ASCC1: variants seen among roughly 807,000 people sequenced by gnomAD.
The protein encoded by ASCC1 is activating signal cointegrator 1 complex subunit 1.
A neutral mutation model predicts 46.6 loss-of-function variants in ASCC1; 35 were observed. The ratio of observed to expected loss-of-function variants is 0.75; its 90% confidence interval spans 0.57 to 0.99. ASCC1 has a LOEUF of 0.99. Among genes scored for constraint, ASCC1 ranks in the 50% least tolerant of loss-of-function variants. The probability of loss-of-function intolerance (pLI) is 0.00; values close to 1 mark genes in which losing one functional copy is unlikely to be tolerated. For synonymous variants in ASCC1, 143 were observed against 146.6 expected, an observed-to-expected ratio of 0.98 and a Z score of 0.18; for missense variants, 376 against 428.7, an observed-to-expected ratio of 0.88 and a Z score of 1.09.
chr10:72,176,784 C>T (rs551594640), intron 5 of ASCC1, among the ~76,000 whole-genome samples: 1 of 145,248 alleles, frequency 6.9e-6, no homozygotes, highest in Non-Finnish European at 1.5e-5. Flanking sequence ...AAGTACCAGC[C>T]TTAACAAATT....
intron 5 of ASCC1, among the ~76,000 whole-genome samples, chr10:72,169,828 A>G (rs959494564): frequency 6.6e-6 from 1 of 152,200 alleles, no homozygotes; most frequent in Non-Finnish European, 1.5e-5. Flanking sequence ...GAAAGAATCA[A>G]CAAACACAAG....
At chr10:72,124,568 A>C (rs560447773) in intron 9 of ASCC1, among the ~76,000 whole-genome samples, 78 of 152,266 alleles carry the variant, frequency 5.1e-4, no homozygotes, top group Non-Finnish European at 9.1e-4. Flanking sequence ...GACCCCAAAC[A>C]GACTGTCATT....
intron 9 of ASCC1, among the ~76,000 whole-genome samples, chr10:72,126,536 C>G (rs893688497): frequency 1.2e-4 from 18 of 152,204 alleles, no homozygotes; most frequent in Non-Finnish European, 2.1e-4. Flanking sequence ...TCTCTGCCAT[C>G]ACCCCACTCT....
intron 9 of ASCC1, among the ~76,000 whole-genome samples, chr10:72,119,680 C>G (rs762540749): frequency 6.6e-6 from 1 of 151,834 alleles, no homozygotes; most frequent in African/African-American, 2.4e-5. Flanking sequence ...TACATCACGT[C>G]CAGATTCAAC....
intron 5 of ASCC1, among the ~76,000 whole-genome samples, chr10:72,187,449 G>A (rs1323091809): frequency 5.4e-5 from 8 of 147,594 alleles, no homozygotes; most frequent in South Asian, 2.1e-4. Flanking sequence ...GGCCGGGCGC[G>A]GTGGCTCACG....
At chr10:72,199,601 A>G (rs1856195662) in intron 4 of ASCC1, among the ~76,000 whole-genome samples, 1 of 151,010 alleles carries the variant, frequency 6.6e-6, no homozygotes, top group Admixed American at 6.6e-5. Context: ...TGGCCGGCTA[A>G]TTTTTTGTAT....
chr10:72,175,861 G>A (rs375237845), intron 5 of ASCC1, among the ~76,000 whole-genome samples: 1 of 152,198 alleles, frequency 6.6e-6, no homozygotes, highest in Non-Finnish European at 1.5e-5. Flanking sequence ...CCCAAAGACA[G>A]ACCCTGGTTC....
rs1471179102 is a variant in ASCC1, at chr10:72,172,909, T to C, written c.490-11235A>G. On this transcript the variant is annotated intron_variant, in intron 5 of 9. Transcript: ENST00000672957. Reference sequence around the variant, plus strand: ...TTTATATTATATATATTATATATTATATTTTTATATTATATATTATATATT... The same window carrying C: ...TTTATATTATATATATTATATATTACATTTTTATATTATATATTATATATT... 2.3e-5 allele frequency among the ~76,000 whole-genome samples: 3 copies of C among 132,094 alleles called. No homozygotes were observed. The East Asian group carries it at 6.6e-4, about 29-fold the overall frequency. 86.7% of individuals were successfully genotyped at this position (132,094 alleles called of 152,430 possible).
chr10:72,121,310 A>G (rs929900147), intron 9 of ASCC1, among the ~76,000 whole-genome samples: 2 of 151,812 alleles, frequency 1.3e-5, no homozygotes, highest in Non-Finnish European at 2.9e-5. Context: ...TGCCCAGCTA[A>G]TTTTTTTAAT....
At chr10:72,158,648 A>G (rs1283097872) in intron 6 of ASCC1, among the ~76,000 whole-genome samples, 2 of 152,084 alleles carry the variant, frequency 1.3e-5, no homozygotes, top group East Asian at 1.9e-4. Flanking sequence ...ATACTCAACT[A>G]CTCATTTCTT....
rs550569202 is a variant in ASCC1 at position 72,131,202 on chromosome 10, C to G, written c.871+1855G>C. On this transcript the variant is annotated intron_variant, in intron 8 of 9. Coordinates refer to ENST00000672957, the MANE Select transcript of ASCC1 (RefSeq NM_001198800.3). ...TTGGGAGGCCGAGGCAGGTGGATCA[C>G]AAGGTCAGGAGTTCAAGATCAGCCT... 3.3e-5 allele frequency among the ~76,000 whole-genome samples: 5 copies of G among 152,222 alleles called. No homozygotes were observed. The East Asian group carries it at 9.7e-4, about 29-fold the overall frequency.
intron 6 of ASCC1, among the ~76,000 whole-genome samples, chr10:72,154,342 G>A (rs1411716794): frequency 2.0e-5 from 3 of 152,060 alleles, no homozygotes; most frequent in African/African-American, 4.8e-5. Flanking sequence ...CTCTAAAGAG[G>A]AGCTCTATAA....
At chr10:72,211,475 C>T (rs1386399359) in intron 2 of ASCC1, among the ~76,000 whole-genome samples, 2 of 152,000 alleles carry the variant, frequency 1.3e-5, no homozygotes, top group Non-Finnish European at 2.9e-5. Context: ...TGTAAGTCCC[C>T]ACTACTCAGG....
intron 4 of ASCC1, among the ~76,000 whole-genome samples, chr10:72,198,974 A>G (rs1480856218): frequency 6.7e-6 from 1 of 149,782 alleles, no homozygotes; most frequent in Non-Finnish European, 1.5e-5. Context: ...GTGCCACCAC[A>G]CCTGGCTAAT....
intron 9 of ASCC1, among the ~76,000 whole-genome samples, chr10:72,105,726 T>C (rs866289183): frequency 9.2e-5 from 14 of 152,164 alleles, no homozygotes; most frequent in Non-Finnish European, 1.5e-5. Context: ...GAATTATTGA[T>C]TTCTGGTAAT....
intron 3 of ASCC1, among the ~76,000 whole-genome samples, chr10:72,209,576 T>G (rs7906822): frequency 0.14 from 21,497 of 151,660 alleles, 4,332 homozygotes; most frequent in African/African-American, 0.45. Context: ...CTGAGGTCAG[T>G]AGTTCGAGAC....
chr10:72,136,181 A>T (rs768573535), intron 7 of ASCC1, among the ~76,000 whole-genome samples: 1 of 151,984 alleles, frequency 6.6e-6, no homozygotes, highest in African/African-American at 2.4e-5. Flanking sequence ...TGCCACTGAG[A>T]GGTTAAGCCA....
At chr10:72,104,178 C>A (rs1263662108) in intron 9 of ASCC1, among the ~76,000 whole-genome samples, 1 of 152,098 alleles carries the variant, frequency 6.6e-6, no homozygotes, top group African/African-American at 2.4e-5. Context: ...ACTCTATTGC[C>A]CCTTAATGTG....
At chr10:72,098,855 C>T (rs1048482343) in intron 9 of ASCC1, among the ~76,000 whole-genome samples, 2 of 152,224 alleles carry the variant, frequency 1.3e-5, no homozygotes. Context: ...AACTTCTCTT[C>T]CTGGCTTTGG....
Sources: gnomAD v4.1 joint callset for allele counts (sites outside exome capture counted in the v4.1 genomes callset) on GRCh38, gnomAD v4.1.1 for gene constraint, MANE v1.5 for transcripts, NCBI Gene and HGNC (gene_info 2026-07-23, HGNC 2026-07-21) for gene names.